Variants in FBXL17 observed in about 807,000 individuals in gnomAD.
FBXL17 encodes F-box and leucine rich repeat protein 17.
A neutral mutation model predicts 66.2 loss-of-function variants in FBXL17; 22 were observed. The ratio of observed to expected loss-of-function variants is 0.33; its 90% CI spans 0.24 to 0.47. FBXL17 has a LOEUF of 0.47. Among genes scored for constraint, FBXL17 ranks in the 20% least tolerant of loss-of-function variants. The probability of loss-of-function intolerance (pLI) is 1.00; values close to 1 mark genes in which losing one functional copy is unlikely to be tolerated. For synonymous variants in FBXL17, 474 were observed against 400.5 expected, an observed-to-expected ratio of 1.18 and a Z score of -2.19; for missense variants, 878 against 948.2, an observed-to-expected ratio of 0.93 and a Z score of 0.97.
intron 7 of FBXL17, among the ~76,000 whole-genome samples, chr5:108,014,768 C>T (rs1216951028): frequency 2.6e-5 from 4 of 152,120 alleles, no homozygotes; most frequent in Non-Finnish European, 4.4e-5. Context: ...AGACATACCC[C>T]ATACTAGGTA....
chr5:108,299,593 C>T (rs906995594), intron 4 of FBXL17: 1 of 971,966 alleles, frequency 1.0e-6, no homozygotes, highest in African/African-American at 1.8e-5. Context: ...TTTTACTTTC[C>T]AATAAATTGC....
At chr5:108,344,336 G>A (rs1278524837) in intron 4 of FBXL17, among the ~76,000 whole-genome samples, 1 of 152,050 alleles carries the variant, frequency 6.6e-6, no homozygotes, top group Non-Finnish European at 1.5e-5. Flanking sequence ...CTAAGAGACT[G>A]AAAAGTAAAC....
intron 5 of FBXL17, among the ~76,000 whole-genome samples, chr5:108,213,912 G>T (rs1754485035): frequency 6.6e-6 from 1 of 152,094 alleles, no homozygotes; most frequent in Non-Finnish European, 1.5e-5. Context: ...TCTAGACATA[G>T]TTTATCAGAT....
At chr5:107,950,596 T>G (rs1044667494) in intron 7 of FBXL17, among the ~76,000 whole-genome samples, 1 of 152,168 alleles carries the variant, frequency 6.6e-6, no homozygotes, top group African/African-American at 2.4e-5. Flanking sequence ...AGTACTCCAC[T>G]CAGATGTCTC....
At chr5:108,226,450 T>C (rs1022386991) in intron 4 of FBXL17, among the ~76,000 whole-genome samples, 2 of 152,232 alleles carry the variant, frequency 1.3e-5, no homozygotes, top group Admixed American at 1.3e-4. Flanking sequence ...AATGTCATTG[T>C]ACTAGTGGCT....
At chr5:108,298,275 C>T (rs13161833) in intron 4 of FBXL17, 185,935 of 982,576 alleles carry the variant, frequency 0.19, 18,540 homozygotes, top group South Asian at 0.3. Flanking sequence ...ACTATGTGAA[C>T]AAGACACACA....
At chr5:108,310,775 T>G (rs1759076577) in intron 4 of FBXL17, among the ~76,000 whole-genome samples, 1 of 152,210 alleles carries the variant, frequency 6.6e-6, no homozygotes, top group Non-Finnish European at 1.5e-5. Context: ...ATATGGAATG[T>G]AAGTTTCTTT....
chr5:108,137,492 A>T (rs776241196), intron 6 of FBXL17, among the ~76,000 whole-genome samples: 1 of 152,088 alleles, frequency 6.6e-6, no homozygotes, highest in East Asian at 1.9e-4. Context: ...TGTTGGCATG[A>T]TCACCTATTA....
chr5:107,922,527 A>C (rs995034622), intron 7 of FBXL17, among the ~76,000 whole-genome samples: 1 of 152,176 alleles, frequency 6.6e-6, no homozygotes. Flanking sequence ...TAAGAATGAG[A>C]TATCTTCAGC....
At chr5:108,049,932 G>A (rs974652491) in intron 6 of FBXL17, among the ~76,000 whole-genome samples, 2 of 152,138 alleles carry the variant, frequency 1.3e-5, no homozygotes, top group African/African-American at 4.8e-5. Context: ...GGCAGGGATT[G>A]GAATCCAAGT....
In FBXL17 at chr5:108,381,709, G is replaced by T; in HGVS notation, c.-18C>A. ...TGGCCCATATAGAAGGCCCCGAGGAGGGGGACCGGGACGGGAGGGAGGGAG... is the reference window on the plus strand; with the variant it reads ...TGGCCCATATAGAAGGCCCCGAGGATGGGGACCGGGACGGGAGGGAGGGAG... On this transcript the variant is annotated 5_prime_UTR_variant, in exon 1 of 9. Transcript: ENST00000542267. The T allele has an allele frequency of 2.1e-6, 3 of 1,438,966 alleles. No individual in the cohort carries two copies. The highest frequency in any genetic ancestry group is 2.7e-6 in the Non-Finnish European group (3 of 1,102,218). The allele number at this position is 1,438,966 out of a possible 1,614,324, so 89.1% of individuals were successfully genotyped here.
At position 108,065,521 on chromosome 5, in the gene FBXL17, T is replaced by G. The variant is rs953075834; in HGVS notation, c.1746-44520A>C. On this transcript the variant is annotated intron_variant, in intron 6 of 8. Coordinates refer to ENST00000542267, the MANE Select transcript of FBXL17 (RefSeq NM_001163315.3). ...TTGTACGTTGTGACTATGGAATGAT[T>G]TACCATGAATTTTTACAGAAGGGAA... is the stretch of plus-strand genomic sequence containing the variant. Among the ~76,000 whole-genome samples the G allele has an allele frequency of 4.6e-5, 7 of 152,174 alleles. 1 individual carries two copies. Among genetic ancestry groups the G allele is most frequent in the Non-Finnish European group, 1.0e-4 (7 of 68,030 alleles).
chr5:108,176,486 A>G (rs1486824785), intron 6 of FBXL17, among the ~76,000 whole-genome samples: 2 of 152,164 alleles, frequency 1.3e-5, no homozygotes, highest in Non-Finnish European at 2.9e-5. Flanking sequence ...GACAACACAG[A>G]AATTAAAAAT....
intron 7 of FBXL17, among the ~76,000 whole-genome samples, chr5:107,956,070 TC>T (rs1751653684): frequency 6.6e-6 from 1 of 152,184 alleles, no homozygotes; most frequent in Non-Finnish European, 1.5e-5. Context: ...AAAGGGGTTG[TC>T]ATAAAACCAT....
intron 3 of FBXL17, 57 bp downstream of exon 3, chr5:108,364,681 C>T (rs1238229801): frequency 7.3e-7 from 1 of 1,374,992 alleles, no homozygotes; most frequent in African/African-American, 1.5e-5. Flanking sequence ...AATGTTGTTG[C>T]TAGAAAACAT....
At chr5:108,183,812 T>C (rs903784113) in intron 6 of FBXL17, among the ~76,000 whole-genome samples, 11 of 152,158 alleles carry the variant, frequency 7.2e-5, no homozygotes, top group African/African-American at 2.7e-4. Flanking sequence ...GTGAGACATA[T>C]GGTATTTGGT....
intron 6 of FBXL17, among the ~76,000 whole-genome samples, chr5:108,066,154 T>C (rs1580395069): frequency 6.6e-6 from 1 of 152,102 alleles, no homozygotes; most frequent in East Asian, 1.9e-4. Context: ...ATACCTTTAC[T>C]GGGGACAAAA....
intron 4 of FBXL17, among the ~76,000 whole-genome samples, chr5:108,238,477 T>A (rs1015163878): frequency 6.6e-6 from 1 of 152,182 alleles, no homozygotes; most frequent in African/African-American, 2.4e-5. Context: ...AAATGGTCAT[T>A]TGCATTAGTC....
chr5:107,987,998 T>C lies in FBXL17; in HGVS notation c.1822+32927A>G, dbSNP rs183934498. On this transcript the variant is annotated intron_variant, in intron 7 of 8. Coordinates refer to ENST00000542267, the MANE Select transcript of FBXL17 (RefSeq NM_001163315.3). ...GGTTAAAAGAGTACTGTTGGATTTA[T>C]TTTTATACAGATATGTTTGAAAACG... Among the ~76,000 whole-genome samples the C allele has an allele frequency of 8.0e-4, 122 of 152,158 alleles. 1 individual carries two copies. Among genetic ancestry groups the C allele is most frequent in the African/African-American group, 2.6e-3 (110 of 41,568 alleles).
Sources: gnomAD v4.1 joint callset for allele counts (sites outside exome capture counted in the v4.1 genomes callset) on GRCh38, gnomAD v4.1.1 for gene constraint, MANE v1.5 for transcripts, NCBI Gene and HGNC (gene_info 2026-07-23, HGNC 2026-07-21) for gene names.